The following ZC3HAV1 variants were observed in gnomAD, a reference collection of about 807,000 sequenced individuals.
The protein encoded by ZC3HAV1 is zinc finger CCCH-type containing, antiviral 1.
ZC3HAV1 carries 41 observed loss-of-function variants against 86.6 expected under a neutral mutation model. That is an observed-to-expected ratio of 0.47 (90% confidence interval 0.37 to 0.61). The LOEUF (loss-of-function observed/expected upper bound fraction) is 0.61. ZC3HAV1 is among the 20% of genes least tolerant of loss of function. ZC3HAV1 has a pLI of 0.00. For synonymous variants in ZC3HAV1, 421 were observed against 432.1 expected, an observed-to-expected ratio of 0.97 and a Z score of 0.32; for missense variants, 964 against 1,141.1, an observed-to-expected ratio of 0.84 and a Z score of 2.24.
At position 139,109,091 on chromosome 7, in the gene ZC3HAV1, G is replaced by A. The variant is rs961506123; in HGVS notation, c.241C>T (p.Pro81Ser). The A allele has an allele frequency of 6.3e-7, 1 of 1,594,924 alleles. No homozygotes were observed. Among genetic ancestry groups the A allele is most frequent in the Non-Finnish European group, 8.5e-7 (1 of 1,170,380 alleles). The change falls in exon 1 of 13, where the codon CCC (proline) becomes TCC (serine). Residue 81 changes from proline (P) to serine (S), a missense_variant. By Grantham distance (74) the Pro-to-Ser change is moderately conservative (BLOSUM62 -1). Coordinates refer to ENST00000242351, the MANE Select transcript of ZC3HAV1 (RefSeq NM_020119.4). ...RVCRRKYCQR[P>S]CDNLHLCKLN... Reference sequence around the variant, plus strand: ...TTGCAGAGATGCAGGTTATCGCAGGGTCTCTGGCAGTACTTGCGACGGCAG... The same window carrying A: ...TTGCAGAGATGCAGGTTATCGCAGGATCTCTGGCAGTACTTGCGACGGCAG...
Position 139,109,294 on chromosome 7 carries a change from A to T in ZC3HAV1, c.38T>A (p.Ile13Asn). 2 of 1,609,842 alleles carry T rather than the reference A, an allele frequency of 1.2e-6. No individual in the cohort carries two copies. Among genetic ancestry groups the T allele is most frequent in the Non-Finnish European group, 1.7e-6 (2 of 1,178,754 alleles). Reference protein sequence around the residue: ...DPEVCCFITKILCAHGGRMAL... With the variant: ...DPEVCCFITKNLCAHGGRMAL... ...CATGCGGCCCCCGTGGGCGCACAGG[A>T]TTTTGGTGATGAAGCAGCACACCTC... Residue 13 changes from isoleucine to asparagine, a missense_variant, in exon 1 of 13, where the codon ATC becomes AAC. Ile to Asn is a moderately radical substitution (Grantham distance 149). Transcript: ENST00000242351.
At chr7:139,107,478 G>A (rs1373366994) in intron 1 of ZC3HAV1, among the ~76,000 whole-genome samples, 1 of 152,208 alleles carries the variant, frequency 6.6e-6, no homozygotes, top group Non-Finnish European at 1.5e-5. Flanking sequence ...GGGGGTGAGT[G>A]ACTGGAGTTT....
Position 139,109,361 on chromosome 7 carries a change from G to T in ZC3HAV1, c.-30C>A. Reference sequence around the variant, plus strand: ...CGCTGGCTGTGCTGGCTCTGCCGCGGCGCGGGACTCGGTTCCGCGGAAATC... The same window carrying T: ...CGCTGGCTGTGCTGGCTCTGCCGCGTCGCGGGACTCGGTTCCGCGGAAATC... On this transcript the variant is annotated 5_prime_UTR_variant, in exon 1 of 13. Coordinates refer to ENST00000242351, the MANE Select transcript of ZC3HAV1 (RefSeq NM_020119.4). The T allele has an allele frequency of 6.5e-7, 1 of 1,534,374 alleles. No individual in the cohort carries two copies. The highest frequency in any genetic ancestry group is 2.0e-5 in the Admixed American group (1 of 50,526).
At chr7:139,102,797 C>A (rs1485021409) in intron 1 of ZC3HAV1, among the ~76,000 whole-genome samples, 2 of 150,932 alleles carry the variant, frequency 1.3e-5, no homozygotes, top group East Asian at 3.9e-4. Flanking sequence ...GTGGCACTAG[C>A]CTGGTCCCAG....
Position 139,076,423 on chromosome 7 carries a change from G to C in ZC3HAV1, c.1574-14C>G. ...TGCTGCAGCTACCTACAAAGACAAA[G>C]AAGGGGTCTGAGGGACTGTTGAGCA... is the stretch of plus-strand genomic sequence containing the variant. On this transcript the variant is annotated splice_polypyrimidine_tract_variant and intron_variant, in intron 5 of 12. Transcript: ENST00000242351. 6.2e-7 allele frequency: 1 copy of C among 1,613,794 alleles called. No homozygotes were observed. The highest frequency in any genetic ancestry group is 8.5e-7 in the Non-Finnish European group (1 of 1,179,894).
At chr7:139,048,469 G>T (rs1253564436) in intron 12 of ZC3HAV1, among the ~76,000 whole-genome samples, 1 of 151,986 alleles carries the variant, frequency 6.6e-6, no homozygotes, top group Non-Finnish European at 1.5e-5. Context: ...AGCCGGGCAT[G>T]GTGGCGTGCA....
At chr7:139,053,723 G>T in intron 11 of ZC3HAV1, 142 bp from the exon 12 acceptor site, 2 of 1,190,176 alleles carry the variant, frequency 1.7e-6, no homozygotes, top group South Asian at 1.7e-5. Flanking sequence ...TAAGGCAGCA[G>T]CTGTACAATA....
intron 2 of ZC3HAV1, among the ~76,000 whole-genome samples, chr7:139,087,435 G>C (rs62485914): frequency 2.7e-5 from 4 of 150,694 alleles, no homozygotes; most frequent in Non-Finnish European, 3.0e-5. Flanking sequence ...GAGAGAGAGA[G>C]GGAGACAGAG....
chr7:139,074,921 A>C (rs1816890097), intron 6 of ZC3HAV1, among the ~76,000 whole-genome samples: 1 of 152,174 alleles, frequency 6.6e-6, no homozygotes, highest in Non-Finnish European at 1.5e-5. Context: ...ATACATTTTA[A>C]GTGTTGAGGA....
intron 12 of ZC3HAV1, among the ~76,000 whole-genome samples, chr7:139,051,518 C>A (rs1342892813): frequency 1.3e-5 from 2 of 151,894 alleles, no homozygotes; most frequent in Admixed American, 1.3e-4. Context: ...GCAATTCTCC[C>A]ACCTCACCCT....
chr7:139,050,296 T>C (rs1816085945), intron 12 of ZC3HAV1, among the ~76,000 whole-genome samples: 1 of 152,212 alleles, frequency 6.6e-6, no homozygotes, highest in South Asian at 2.1e-4. Context: ...ATCTGGAATC[T>C]ATATTTTCTT....
intron 2 of ZC3HAV1, among the ~76,000 whole-genome samples, chr7:139,088,281 T>C (rs1453742363): frequency 2.0e-5 from 3 of 152,166 alleles, no homozygotes; most frequent in Non-Finnish European, 4.4e-5. Flanking sequence ...TCCCCGTCTT[T>C]CTTCTAGTAA....
At chr7:139,085,572 A>G (rs745942696) in intron 2 of ZC3HAV1, among the ~76,000 whole-genome samples, 5 of 152,246 alleles carry the variant, frequency 3.3e-5, no homozygotes, top group Non-Finnish European at 5.9e-5. Flanking sequence ...AATGCAAAGC[A>G]ATCAATGAAG....
intron 4 of ZC3HAV1, 35 bp downstream of exon 4, chr7:139,079,435 T>G: frequency 6.2e-7 from 1 of 1,614,046 alleles, no homozygotes; most frequent in Non-Finnish European, 8.5e-7. Context: ...CATGAACAAA[T>G]GTACTAGCCC....
intron 9 of ZC3HAV1, among the ~76,000 whole-genome samples, chr7:139,056,392 C>CCATTTT (rs1435468609): frequency 1.9e-5 from 2 of 103,442 alleles, no homozygotes; most frequent in African/African-American, 4.0e-5. Flanking sequence ...TTTTTTTTTT[C>CCATTTT]CTTTTTCTTT....
intron 6 of ZC3HAV1, among the ~76,000 whole-genome samples, chr7:139,074,855 T>C (rs1205399316): frequency 2.6e-5 from 4 of 152,214 alleles, no homozygotes; most frequent in African/African-American, 9.7e-5. Context: ...TAATTTTTAA[T>C]ATGGTAAATA....
At chr7:139,096,261 G>T (rs7811787) in intron 1 of ZC3HAV1, among the ~76,000 whole-genome samples, 1 of 152,172 alleles carries the variant, frequency 6.6e-6, no homozygotes, top group East Asian at 1.9e-4. Flanking sequence ...TGATCCACCC[G>T]TCTCAGCCTC....
In ZC3HAV1 at chr7:139,044,536, T is replaced by C. The variant is rs1815904612; in HGVS notation, c.*3058A>G. The C allele has an allele frequency of 6.6e-6, 1 of 152,218 alleles. No homozygotes were observed. The highest frequency in any genetic ancestry group is 2.4e-5 in the African/African-American group (1 of 41,396). 9.4% of individuals were successfully genotyped at this position (152,218 alleles called of 1,614,324 possible). A position where few individuals can be genotyped will look rare whatever the true frequency, so the allele number is the denominator to read the frequency against. ...GTGTGTAAGTAGATTGTATTATCTA[T>C]GAGTCATTTCAGGTCAGCAAAGAGA... is the stretch of plus-strand genomic sequence containing the variant. On this transcript the variant is annotated 3_prime_UTR_variant, in exon 13 of 13. Coordinates refer to ENST00000242351, the MANE Select transcript of ZC3HAV1 (RefSeq NM_020119.4).
In ZC3HAV1 at chr7:139,094,918, C is replaced by T. The variant is rs111681579; in HGVS notation, c.309-5159G>A. Among the ~76,000 whole-genome samples the T allele has an allele frequency of 9.0e-3, 1,362 of 151,670 alleles. 26 individuals are homozygous for T. Among genetic ancestry groups the T allele is most frequent in the African/African-American group, 0.031 (1,281 of 41,310 alleles). On this transcript the variant is annotated intron_variant, in intron 1 of 12. Coordinates refer to ENST00000242351, the MANE Select transcript of ZC3HAV1 (RefSeq NM_020119.4). ...CTCGGAGCTCTTGCACTTCACAAAT[C>T]GGTAAACACAGGACTAGCTCTGAAC...
Sources: gnomAD v4.1 joint callset for allele counts (sites outside exome capture counted in the v4.1 genomes callset) on GRCh38, gnomAD v4.1.1 for gene constraint, MANE v1.5 for transcripts, NCBI Gene and HGNC (gene_info 2026-07-23, HGNC 2026-07-21) for gene names.